INPP4B: variants seen among roughly 807,000 people sequenced by gnomAD.
INPP4B encodes the protein inositol polyphosphate-4-phosphatase type II B.
In INPP4B, 55 loss-of-function variants were observed where a neutral mutation model predicts 122.5. The observed-to-expected ratio is 0.45, with a 90% CI of 0.36 to 0.56. INPP4B has a LOEUF of 0.56. INPP4B is among the 20% of genes least tolerant of loss of function. The pLI, the probability that INPP4B is intolerant of heterozygous loss-of-function variation, is 0.00. For synonymous variants in INPP4B, 403 were observed against 388.7 expected (o/e 1.04, Z -0.43); for missense variants, 1,000 against 1,097.7 (o/e 0.91, Z 1.26).
Position 142,270,681 on chromosome 4 carries a change from T to C in INPP4B, c.597A>G (p.Thr199=), listed in dbSNP as rs1745331190. 1 of 1,605,932 alleles carries C rather than the reference T, an allele frequency of 6.2e-7. No individual in the cohort carries two copies. The highest frequency in any genetic ancestry group is 8.5e-7 in the Non-Finnish European group (1 of 1,172,666). The stretch of plus-strand genomic sequence containing the variant: ...ATCCTACCTTTTGTCCCTGTACATC[T>C]GTGGTGATGTGGTCGGCTTCCCCAT... ...IEDGEADHIT[T]DVQGQKCALV... is the part of the protein sequence containing the mutation. Residue 199 remains threonine, a synonymous_variant, in exon 10 of 26, where the codon ACA becomes ACG. Coordinates refer to ENST00000262992, the MANE Select transcript of INPP4B (RefSeq NM_001101669.3).
chr4:142,028,793 C>T lies in INPP4B; in HGVS notation c.2764G>A (p.Ala922Thr), dbSNP rs1317182070. The stretch of plus-strand genomic sequence containing the variant: ...ACATGTTGGTAAACTTAGGTGTCAG[C>T]TTTTCCATAAGTCCCCTCTGGAGGT... ...YRPPEGTYGKADT is the reference protein window; with the variant it reads ...YRPPEGTYGKTDT The change falls in exon 26 of 26, where the codon GCT becomes ACT. Residue 922 changes from alanine (A) to threonine (T), a missense_variant. By Grantham distance (58) the Ala-to-Thr change is moderately conservative (BLOSUM62 0). Transcript: ENST00000262992. 4 of 1,610,342 alleles carry T rather than the reference C, an allele frequency of 2.5e-6. No individual in the cohort carries two copies. The highest frequency in any genetic ancestry group is 2.7e-5 in the African/African-American group (2 of 74,722).
Position 142,690,874 on chromosome 4 carries a change from A to G in INPP4B, c.-191+34965T>C, listed in dbSNP as rs76569120. Among the ~76,000 whole-genome samples, 227 of 152,248 alleles carry G rather than the reference A, an allele frequency of 1.5e-3. 4 individuals are homozygous for G. The East Asian group carries it at 0.033, about 22-fold the overall frequency. On this transcript the variant is annotated intron_variant, in intron 2 of 25. Transcript: ENST00000262992. ...CCCCCACCTCCAGAAACTAGAAACC[A>G]CAGAGTCCAGGACCTTGTCCCTCAA...
At chr4:142,259,408 C>G (rs1387420392) in intron 11 of INPP4B, among the ~76,000 whole-genome samples, 2 of 149,408 alleles carry the variant, frequency 1.3e-5, no homozygotes, top group South Asian at 2.1e-4. Flanking sequence ...CCACAATCAA[C>G]AAGAGGGGTA....
At chr4:142,098,830 G>A (rs1320253183) in intron 23 of INPP4B, among the ~76,000 whole-genome samples, 1 of 152,080 alleles carries the variant, frequency 6.6e-6, no homozygotes, top group East Asian at 1.9e-4. Context: ...ATGTAGATAT[G>A]AAGATTGATA....
intron 9 of INPP4B, among the ~76,000 whole-genome samples, chr4:142,280,873 A>G (rs1412552376): frequency 6.6e-6 from 1 of 151,968 alleles, no homozygotes; most frequent in Non-Finnish European, 1.5e-5. Flanking sequence ...TATCCCATGC[A>G]CTATAAATTC....
chr4:142,386,112 C>T (rs757159899), intron 7 of INPP4B, among the ~76,000 whole-genome samples: 6 of 152,138 alleles, frequency 3.9e-5, no homozygotes, highest in South Asian at 4.2e-4. Flanking sequence ...TAAAATTCTG[C>T]GTGTAAGTGA....
chr4:142,635,312 C>G (rs1275809759), intron 2 of INPP4B, among the ~76,000 whole-genome samples: 2 of 152,196 alleles, frequency 1.3e-5, no homozygotes, highest in East Asian at 3.9e-4. Context: ...ATTCCTCAAA[C>G]AGCTAAAAAT....
chr4:142,284,223 G>A (rs1713199906), intron 9 of INPP4B, among the ~76,000 whole-genome samples: 1 of 152,108 alleles, frequency 6.6e-6, no homozygotes, highest in South Asian at 2.1e-4. Context: ...AGAGAAATGG[G>A]ACATAAGTTA....
At chr4:142,385,759 T>C (rs1795761971) in intron 7 of INPP4B, among the ~76,000 whole-genome samples, 1 of 152,178 alleles carries the variant, frequency 6.6e-6, no homozygotes, top group Admixed American at 6.6e-5. Flanking sequence ...TTTTTATTTA[T>C]TGACTTTTGA....
At chr4:142,439,996 T>C (rs2149433050) in intron 3 of INPP4B, among the ~76,000 whole-genome samples, 1 of 152,334 alleles carries the variant, frequency 6.6e-6, no homozygotes, top group South Asian at 2.1e-4. Flanking sequence ...TTTTCTACTT[T>C]ATAGATATAC....
chr4:142,201,640 T>C (rs760986430), intron 14 of INPP4B, among the ~76,000 whole-genome samples: 2 of 151,982 alleles, frequency 1.3e-5, no homozygotes, highest in African/African-American at 4.8e-5. Context: ...GGCAGTTGTA[T>C]TCCTTTAAAT....
intron 11 of INPP4B, among the ~76,000 whole-genome samples, chr4:142,251,781 A>G (rs951049908): frequency 6.6e-6 from 1 of 152,130 alleles, no homozygotes; most frequent in African/African-American, 2.4e-5. Flanking sequence ...CCCATTCCCT[A>G]TTGTTGGCTG....
chr4:142,262,929 TTTCAGAAGGGGATGTATTTGTA>T (rs1740791970), intron 10 of INPP4B, among the ~76,000 whole-genome samples: 1 of 152,192 alleles, frequency 6.6e-6, no homozygotes, highest in South Asian at 2.1e-4. Context: ...AAAAGCAGGT[TTTCAGAAGGGGATGTATTTGTA>T]TTCCACTTAC....
At chr4:142,770,476 T>C (rs1448713211) in intron 1 of INPP4B, among the ~76,000 whole-genome samples, 1 of 152,144 alleles carries the variant, frequency 6.6e-6, no homozygotes, top group Non-Finnish European at 1.5e-5. Context: ...TCCTGCCTAA[T>C]AAACTGGCAC....
chr4:142,806,592 A>G (rs1234550678), intron 1 of INPP4B, among the ~76,000 whole-genome samples: 1 of 151,364 alleles, frequency 6.6e-6, no homozygotes, highest in Admixed American at 6.6e-5. Flanking sequence ...AAAATACAAA[A>G]ACTTAGCCTG....
chr4:142,563,997 G>A lies in INPP4B; in HGVS notation c.-190-101271C>T, dbSNP rs144778677. ...GATCCAAACCAAATTTCCAACCCAC[G>A]GATTTATGAGCCAAACAAGCAGTTG... On this transcript the variant is annotated intron_variant, in intron 2 of 25. Transcript: ENST00000262992. 1.3e-4 allele frequency among the ~76,000 whole-genome samples: 20 copies of A among 152,220 alleles called. No homozygotes were observed. In the East Asian group the frequency reaches 3.5e-3, roughly 27 times the overall value.
At chr4:142,630,162 T>A (rs1747616591) in intron 2 of INPP4B, among the ~76,000 whole-genome samples, 1 of 152,090 alleles carries the variant, frequency 6.6e-6, no homozygotes, top group East Asian at 1.9e-4. Context: ...AAATTCAGCA[T>A]CTAAAGAACA....
intron 1 of INPP4B, among the ~76,000 whole-genome samples, chr4:142,808,741 T>G (rs572184404): frequency 6.6e-6 from 1 of 152,120 alleles, no homozygotes; most frequent in Non-Finnish European, 1.5e-5. Flanking sequence ...GAAATAACCT[T>G]TTCAGAATGT....
At chr4:142,072,123 G>A (rs1042130298) in intron 25 of INPP4B, among the ~76,000 whole-genome samples, 1 of 152,176 alleles carries the variant, frequency 6.6e-6, no homozygotes, top group Non-Finnish European at 1.5e-5. Context: ...TTAAGAAAAT[G>A]TGGCACATAT....
Sources: gnomAD v4.1 joint callset for allele counts (sites outside exome capture counted in the v4.1 genomes callset) on GRCh38, gnomAD v4.1.1 for gene constraint, MANE v1.5 for transcripts, NCBI Gene and HGNC (gene_info 2026-07-23, HGNC 2026-07-21) for gene names.